Variants in SDR16C5 observed in about 807,000 individuals in gnomAD.
SDR16C5 encodes the protein short chain dehydrogenase/reductase family 16C member 5, also known as epidermal retinol dehydrogenase 2.
A neutral mutation model predicts 27.7 loss-of-function variants in SDR16C5; 20 were observed. The ratio of observed to expected loss-of-function variants is 0.72; its 90% CI spans 0.51 to 1.05. The LOEUF is 1.05. Among genes scored for constraint, SDR16C5 ranks in the 50% least tolerant of loss-of-function variants. The pLI is 0.00. For missense variants in SDR16C5, 374 were observed against 366.3 expected (o/e 1.02, Z -0.17); for synonymous variants, 139 against 132.3 (o/e 1.05, Z -0.35).
chr8:56,303,812 C>T (rs1814818058), intron 6 of SDR16C5: 1 of 599,608 alleles, frequency 1.7e-6, no homozygotes, highest in South Asian at 2.0e-5. Context: ...CTATAATCTG[C>T]CATCTATTAA....
chr8:56,311,958 T>C lies in SDR16C5; in HGVS notation c.465+199A>G, dbSNP rs572133869. ...GACCATGAGGACAGTTCTGTCCTTG[T>C]AGAATTCCCTAAGCAGAGGTCCTGG... On this transcript the variant is annotated intron_variant, in intron 3 of 6. Transcript: ENST00000303749. 5.3e-5 allele frequency among the ~76,000 whole-genome samples: 8 copies of C among 152,326 alleles called. No individual in the cohort carries two copies. In the South Asian group the frequency reaches 8.3e-4, roughly 16 times the overall value.
chr8:56,308,183 A>G (rs553714402), intron 4 of SDR16C5, among the ~76,000 whole-genome samples: 2 of 152,200 alleles, frequency 1.3e-5, no homozygotes, highest in Non-Finnish European at 2.9e-5. Context: ...CTTCAAAAGC[A>G]TTAGGAACCA....
At chr8:56,309,232 G>T (rs1814963223) in intron 3 of SDR16C5, 4 of 849,266 alleles carry the variant, frequency 4.7e-6, no homozygotes, top group Non-Finnish European at 5.7e-6. Flanking sequence ...GGCAATTCCA[G>T]TATTATTAAA....
chr8:56,302,672 C>CAAA, intron 6 of SDR16C5, among the ~76,000 whole-genome samples: 1 of 109,280 alleles, frequency 9.2e-6, no homozygotes, highest in African/African-American at 3.4e-5. Flanking sequence ...GAGTCCATCT[C>CAAA]AAAAAAAAAA....
In SDR16C5 at chr8:56,300,313, T is replaced by C. The variant is rs1814719098; in HGVS notation, c.*1167A>G. ...GACTGCTGCCCCTATGACAGCATTT[T>C]ACCCCCAAGATAGTCAAATTCTCAA... On this transcript the variant is annotated 3_prime_UTR_variant, in exon 7 of 7. Transcript: ENST00000303749. 2 of 152,132 alleles carry C rather than the reference T, an allele frequency of 1.3e-5. No homozygotes were observed. Among genetic ancestry groups the C allele is most frequent in the African/African-American group, 4.8e-5 (2 of 41,414 alleles). 9.4% of individuals were successfully genotyped at this position (152,132 alleles called of 1,614,324 possible).
intron 2 of SDR16C5, among the ~76,000 whole-genome samples, chr8:56,315,245 CAAA>C (rs5891608): frequency 7.6e-6 from 1 of 130,762 alleles, no homozygotes; most frequent in Non-Finnish European, 1.6e-5. Context: ...AACTCCATCT[CAAA>C]AAAAAAAAAA....
chr8:56,301,927 T>C (rs1432718427), intron 6 of SDR16C5, among the ~76,000 whole-genome samples: 1 of 152,076 alleles, frequency 6.6e-6, no homozygotes, highest in Non-Finnish European at 1.5e-5. Context: ...GCTCTGTCAT[T>C]TGCAGTGCCG....
chr8:56,304,720 C>T (rs535081396), intron 6 of SDR16C5, among the ~76,000 whole-genome samples: 6 of 151,496 alleles, frequency 4.0e-5, no homozygotes, highest in African/African-American at 1.5e-4. Context: ...TTTTAAGAGA[C>T]AGGGTCTCAC....
intron 2 of SDR16C5, among the ~76,000 whole-genome samples, chr8:56,314,313 C>A (rs1435870515): frequency 1.3e-5 from 2 of 152,022 alleles, no homozygotes; most frequent in East Asian, 3.9e-4. Context: ...CAGAGGAGCA[C>A]ATAAGTAATT....
chr8:56,303,986 G>A lies in SDR16C5; in HGVS notation c.836+1611C>T, dbSNP rs1294334723. 4 of 702,872 alleles carry A rather than the reference G, an allele frequency of 5.7e-6. No homozygotes were observed. In the African/African-American group the frequency reaches 7.0e-5, roughly 12 times the overall value. The allele number at this position is 702,872 out of a possible 1,614,324, so 43.5% of individuals were successfully genotyped here. On this transcript the variant is annotated intron_variant, in intron 6 of 6. Coordinates refer to ENST00000303749, the MANE Select transcript of SDR16C5 (RefSeq NM_138969.4). ...GAGTCACAGACTTAGTGAATAGTGG[G>A]ATCGTAAGCCTGAATTTCGAATTGC...
chr8:56,313,556 G>GT (rs1815102924), intron 2 of SDR16C5, among the ~76,000 whole-genome samples: 1 of 152,146 alleles, frequency 6.6e-6, no homozygotes. Context: ...TTAACACATT[G>GT]GTTAAGTATT....
intron 3 of SDR16C5, chr8:56,309,303 CAAGAATTGAAG>C: frequency 2.2e-5 from 22 of 984,986 alleles, no homozygotes; most frequent in South Asian, 1.4e-4. Flanking sequence ...AATATTAAAA[CAAGAATTGAAG>C]GAGTAAATCT....
In SDR16C5 at chr8:56,305,727, G is replaced by C; in HGVS notation, c.711-5C>G. 1 of 1,568,700 alleles carries C rather than the reference G, an allele frequency of 6.4e-7. No homozygotes were observed. The highest frequency in any genetic ancestry group is 8.6e-7 in the Non-Finnish European group (1 of 1,167,088). ...ATTGGCAACAGAGAAGGACAGCTAG[G>C]ATATAAAATGACAACAATTAAAAAA... On this transcript the variant is annotated splice_polypyrimidine_tract_variant and splice_region_variant and intron_variant, in intron 5 of 6. Coordinates refer to ENST00000303749, the MANE Select transcript of SDR16C5 (RefSeq NM_138969.4).
At chr8:56,303,022 C>T (rs963465947) in intron 6 of SDR16C5, among the ~76,000 whole-genome samples, 11 of 147,978 alleles carry the variant, frequency 7.4e-5, no homozygotes, top group Admixed American at 5.4e-4. Context: ...AAAACAACAA[C>T]GTAAATCTTG....
intron 3 of SDR16C5, among the ~76,000 whole-genome samples, chr8:56,311,386 A>T (rs1178801273): frequency 7.2e-5 from 11 of 152,210 alleles, no homozygotes; most frequent in Admixed American, 7.2e-4. Flanking sequence ...ACTGAACTCC[A>T]GCCTGGGAGA....
chr8:56,314,076 G>A (rs1037702031), intron 2 of SDR16C5, among the ~76,000 whole-genome samples: 2 of 152,010 alleles, frequency 1.3e-5, no homozygotes, highest in African/African-American at 2.4e-5. Flanking sequence ...GCGTGGTAGC[G>A]TGCACCTGTA....
In SDR16C5 at chr8:56,300,860, C is replaced by T. The variant is rs901410654; in HGVS notation, c.*620G>A. On this transcript the variant is annotated 3_prime_UTR_variant, in exon 7 of 7. Transcript: ENST00000303749. ...GGGCTTCAGGGAATGCCCGGTAAGG[C>T]TCTTGGGCACAATAGTGCTGGATGG... 3 of 152,246 alleles carry T rather than the reference C, an allele frequency of 2.0e-5. No homozygotes were observed. The highest frequency in any genetic ancestry group is 1.9e-4 in the East Asian group (1 of 5,196). 9.4% of individuals were successfully genotyped at this position (152,246 alleles called of 1,614,324 possible). A position where few individuals can be genotyped will look rare whatever the true frequency, so the allele number is the denominator to read the frequency against.
At chr8:56,302,510 T>TA (rs1323725940) in intron 6 of SDR16C5, among the ~76,000 whole-genome samples, 1 of 147,354 alleles carries the variant, frequency 6.8e-6, no homozygotes, top group Non-Finnish European at 1.5e-5. Flanking sequence ...CCATCTCTAC[T>TA]AAAAATACAA....
chr8:56,306,000 G>A (rs534298895), intron 5 of SDR16C5, among the ~76,000 whole-genome samples: 1 of 152,286 alleles, frequency 6.6e-6, no homozygotes, highest in Non-Finnish European at 1.5e-5. Flanking sequence ...CCAAATATTT[G>A]TAAGGCAAGT....
Sources: allele counts gnomAD v4.1 joint callset (sites outside exome capture counted in the v4.1 genomes callset), GRCh38; gene constraint gnomAD v4.1.1; transcripts MANE v1.5; gene names NCBI Gene and HGNC (gene_info 2026-07-23, HGNC 2026-07-21).